Variants in VIL1 observed in about 807,000 individuals in gnomAD.
VIL1 encodes the protein villin-1.
VIL1 carries 86 observed loss-of-function variants against 104.0 expected under a neutral mutation model. That is an observed-to-expected ratio of 0.83 (90% CI 0.69 to 0.99). The LOEUF is 0.99. VIL1 is among the 50% of genes least tolerant of loss of function. The pLI, the probability that VIL1 is intolerant of heterozygous loss-of-function variation, is 0.00. For synonymous variants in VIL1, 394 were observed against 412.6 expected (o/e 0.95, Z 0.55); for missense variants, 944 against 1,054.1 (o/e 0.90, Z 1.45).
chr2:218,432,402 T>C, intron 12 of VIL1: 1 of 780,536 alleles, frequency 1.3e-6, no homozygotes, highest in African/African-American at 1.7e-5. Context: ...TTCATTGCCT[T>C]CTGCACATTC....
At chr2:218,427,155 GCTCT>G (rs1443179607) in intron 4 of VIL1, among the ~76,000 whole-genome samples, 2 of 152,128 alleles carry the variant, frequency 1.3e-5, no homozygotes, top group South Asian at 2.1e-4. Context: ...CAGGCTGAGG[GCTCT>G]CTAATTAGCC....
rs752421368 is a variant in VIL1, at chr2:218,429,716, C to T, written c.849+41C>T. 19 of 1,611,224 alleles carry T rather than the reference C, an allele frequency of 1.2e-5. No homozygotes were observed. In the South Asian group the frequency reaches 2.1e-4, roughly 18 times the overall value. ...GACCCCTCAGCCTACTGCAGCCTGG[C>T]CCCCTTTCCCTCAAGCAGGAAAAAT... On this transcript the variant is annotated intron_variant, in intron 8 of 19. Coordinates refer to ENST00000248444, the MANE Select transcript of VIL1 (RefSeq NM_007127.3).
In VIL1 at chr2:218,427,895, G is replaced by A. The variant is rs373754865; in HGVS notation, c.348-70G>A. Reference sequence around the variant, plus strand: ...CACGTGACCCCAGCGTGGCAGCCAGGACCTGGGAGAACAGGGGCCAGGCAC... The same window carrying A: ...CACGTGACCCCAGCGTGGCAGCCAGAACCTGGGAGAACAGGGGCCAGGCAC... On this transcript the variant is annotated intron_variant, in intron 4 of 19. Coordinates refer to ENST00000248444, the MANE Select transcript of VIL1 (RefSeq NM_007127.3). The A allele has an allele frequency of 8.4e-4, 1,245 of 1,476,598 alleles. 5 individuals are homozygous for A. The highest frequency in any genetic ancestry group is 6.3e-3 in the Middle Eastern group (36 of 5,708). 91.5% of individuals were successfully genotyped at this position (1,476,598 alleles called of 1,614,324 possible). A position where few individuals can be genotyped will look rare whatever the true frequency, so the allele number is the denominator to read the frequency against.
chr2:218,432,494 C>T, intron 12 of VIL1: 1 of 690,278 alleles, frequency 1.4e-6, no homozygotes. Context: ...GGTGTGGTGC[C>T]TGTGATGTCT....
chr2:218,444,073 C>G (rs1689325992), intron 19 of VIL1, among the ~76,000 whole-genome samples: 1 of 152,180 alleles, frequency 6.6e-6, no homozygotes, highest in Admixed American at 6.5e-5. Flanking sequence ...TCAAGCAATT[C>G]TCCTGCCTCA....
chr2:218,429,150 G>A lies in VIL1; in HGVS notation c.568-135G>A, dbSNP rs531259641. 1,246 of 1,022,680 alleles carry A rather than the reference G, an allele frequency of 1.2e-3. 1 individual carries two copies. Among genetic ancestry groups the A allele is most frequent in the Non-Finnish European group, 1.5e-3 (1,026 of 699,364 alleles). The allele number at this position is 1,022,680 out of a possible 1,614,324, so 63.4% of individuals were successfully genotyped here. A position where few individuals can be genotyped will look rare whatever the true frequency, so the allele number is the denominator to read the frequency against. On this transcript the variant is annotated intron_variant, in intron 6 of 19. Coordinates refer to ENST00000248444, the MANE Select transcript of VIL1 (RefSeq NM_007127.3). ...GCCTTAAAAGCTTGACCCCTCCGACGGGGAAAAGCAGGGCAGGGGTCTCAA... is the reference window on the plus strand; with the variant it reads ...GCCTTAAAAGCTTGACCCCTCCGACAGGGAAAAGCAGGGCAGGGGTCTCAA...
In VIL1 at chr2:218,429,622, G is replaced by A. The variant is rs374741846; in HGVS notation, c.796G>A (p.Val266Met). ...YHVSDSEGNLVVREVATRPLT... is the reference protein window; with the variant it reads ...YHVSDSEGNLMVREVATRPLT... ...TGTGTCTGACTCCGAGGGGAATCTG[G>A]TGGTGAGGGAAGTCGCCACACGGCC... The change falls in exon 8 of 20, where the codon GTG (valine) becomes ATG (methionine). Residue 266 changes from valine to methionine, a missense_variant. By Grantham distance (21) the Val-to-Met change is conservative. Coordinates refer to ENST00000248444, the MANE Select transcript of VIL1 (RefSeq NM_007127.3). 1.2e-6 allele frequency: 2 copies of A among 1,614,000 alleles called. No individual in the cohort carries two copies. Among genetic ancestry groups the A allele is most frequent in the Non-Finnish European group, 1.7e-6 (2 of 1,180,036 alleles).
intron 16 of VIL1, 98 bp downstream of exon 16, chr2:218,436,724 T>C (rs1689197153): frequency 1.4e-6 from 2 of 1,437,528 alleles, no homozygotes; most frequent in Non-Finnish European, 1.9e-6. Context: ...AATGTTTTCT[T>C]GGCCCTTACA....
In VIL1 at chr2:218,422,380, G is replaced by A. The variant is rs181868577; in HGVS notation, c.-11-1388G>A. ...GGTTCTGCTGGACCAGGAATCCTGGGAGCCCTGGGGACTTGGTAGGTTGAA... is the reference window on the plus strand; with the variant it reads ...GGTTCTGCTGGACCAGGAATCCTGGAAGCCCTGGGGACTTGGTAGGTTGAA... On this transcript the variant is annotated intron_variant, in intron 1 of 19. Transcript: ENST00000248444. 3.5e-4 allele frequency among the ~76,000 whole-genome samples: 54 copies of A among 152,284 alleles called. 1 individual carries two copies. Among genetic ancestry groups the A allele is most frequent in the Middle Eastern group, 6.8e-3 (2 of 294 alleles).
In VIL1 at chr2:218,438,645, A is replaced by C. The variant is rs367689920; in HGVS notation, c.2161-13A>C. On this transcript the variant is annotated splice_polypyrimidine_tract_variant and intron_variant, in intron 17 of 19. Coordinates refer to ENST00000248444, the MANE Select transcript of VIL1 (RefSeq NM_007127.3). ...GAGATCCAGGTCTAATCTGTTATTT[A>C]CTTTATGTGCAGAACACCAAATCCT... 6 of 1,608,590 alleles carry C rather than the reference A, an allele frequency of 3.7e-6. No homozygotes were observed. Among genetic ancestry groups the C allele is most frequent in the Non-Finnish European group, 5.1e-6 (6 of 1,178,184 alleles).
At position 218,437,153 on chromosome 2, in the gene VIL1, CGAG is replaced by C. The variant is rs759386760; in HGVS notation, c.2008_2010del (p.Glu670del). ...TCTTCTGGATTGGGAAACATGCCAACGAGGAGGAGAAGAAGGCCGCAGCAACCA... is the reference window on the plus strand; with the variant it reads ...TCTTCTGGATTGGGAAACATGCCAACGAGGAGAAGAAGGCCGCAGCAACCA... On this transcript the variant is annotated inframe_deletion, in exon 17 of 20. Coordinates refer to ENST00000248444, the MANE Select transcript of VIL1 (RefSeq NM_007127.3). 1.5e-5 allele frequency: 25 copies of C among 1,613,972 alleles called. No homozygotes were observed. Among genetic ancestry groups the C allele is most frequent in the Admixed American group, 3.3e-5 (2 of 59,980 alleles).
chr2:218,449,381 G>A lies in VIL1; in HGVS notation c.*45G>A. ...AAAGCAGTACCCTACCCTGATTGTA[G>A]GGTCTCATTTTCTCACCGATATTAG... On this transcript the variant is annotated 3_prime_UTR_variant, in exon 20 of 20. Coordinates refer to ENST00000248444, the MANE Select transcript of VIL1 (RefSeq NM_007127.3). 3 of 1,495,026 alleles carry A rather than the reference G, an allele frequency of 2.0e-6. No individual in the cohort carries two copies. Among genetic ancestry groups the A allele is most frequent in the Non-Finnish European group, 2.8e-6 (3 of 1,073,132 alleles). The allele number at this position is 1,495,026 out of a possible 1,614,324, so 92.6% of individuals were successfully genotyped here.
rs752061086 is a variant in VIL1 at position 218,434,793 on chromosome 2, C to A, written c.1680+88C>A. 8 of 1,417,128 alleles carry A rather than the reference C, an allele frequency of 5.6e-6. No individual in the cohort carries two copies. In the African/African-American group the frequency reaches 8.6e-5, roughly 15 times the overall value. The allele number at this position is 1,417,128 out of a possible 1,614,324, so 87.8% of individuals were successfully genotyped here. On this transcript the variant is annotated intron_variant, in intron 14 of 19. Coordinates refer to ENST00000248444, the MANE Select transcript of VIL1 (RefSeq NM_007127.3). ...CAGCAGCCCTAGGTCAGGGCAGGAA[C>A]CCCTGGCCAACTAAGTTGTGCCTGC...
At position 218,437,187 on chromosome 2, in the gene VIL1, C is replaced by A. The variant is rs768139728; in HGVS notation, c.2035C>A (p.Gln679Lys). Residue 679 changes from glutamine to lysine, a missense_variant, in exon 17 of 20, where the codon CAG becomes AAG. Coordinates refer to ENST00000248444, the MANE Select transcript of VIL1 (RefSeq NM_007127.3). Reference sequence around the variant, plus strand: ...GAAGAAGGCCGCAGCAACCACTGCACAGGAATACCTCAAGACCCATCCCAG... The same window carrying A: ...GAAGAAGGCCGCAGCAACCACTGCAAAGGAATACCTCAAGACCCATCCCAG... ...EEKKAAATTAQEYLKTHPSGR... is the reference protein window; with the variant it reads ...EEKKAAATTAKEYLKTHPSGR... 3.1e-6 allele frequency: 5 copies of A among 1,614,182 alleles called. No individual in the cohort carries two copies. Among genetic ancestry groups the A allele is most frequent in the South Asian group, 1.1e-5 (1 of 91,088 alleles).
At position 218,450,498 on chromosome 2, in the gene VIL1, G is replaced by A. The variant is rs1437766624; in HGVS notation, c.*1162G>A. The A allele has an allele frequency of 1.3e-5, 2 of 152,598 alleles. No individual in the cohort carries two copies. The highest frequency in any genetic ancestry group is 4.8e-5 in the African/African-American group (2 of 41,438). The allele number at this position is 152,598 out of a possible 1,614,324, so 9.5% of individuals were successfully genotyped here. ...AGAAAACCTGGTAGTGGCTCAATTA[G>A]GCAAAGTGTAGGAATCTCATTTTTG... On this transcript the variant is annotated 3_prime_UTR_variant, in exon 20 of 20. Coordinates refer to ENST00000248444, the MANE Select transcript of VIL1 (RefSeq NM_007127.3).
intron 19 of VIL1, among the ~76,000 whole-genome samples, chr2:218,446,276 C>T (rs1175011130): frequency 1.3e-5 from 2 of 152,212 alleles, no homozygotes; most frequent in African/African-American, 4.8e-5. Flanking sequence ...ACTCTGTTGC[C>T]CAAGCTGGAG....
chr2:218,431,120 G>A (rs369328695), intron 10 of VIL1: 20 of 583,626 alleles, frequency 3.4e-5, no homozygotes, highest in Non-Finnish European at 5.4e-5. Context: ...AGGCTGAGGC[G>A]GGTGGATCAC....
intron 4 of VIL1, 152 bp from the exon 5 acceptor site, chr2:218,427,813 C>T (rs1222974451): frequency 1.5e-6 from 1 of 681,322 alleles, no homozygotes; most frequent in Non-Finnish European, 2.6e-6. Flanking sequence ...GTGAGTGACT[C>T]CCTAAAGTTT....
Position 218,423,955 on chromosome 2 carries a change from C to G in VIL1, c.75+102C>G. 2.3e-6 allele frequency: 3 copies of G among 1,324,278 alleles called. No homozygotes were observed. The South Asian group carries it at 3.8e-5, about 17-fold the overall frequency. 82.0% of individuals were successfully genotyped at this position (1,324,278 alleles called of 1,614,324 possible). On this transcript the variant is annotated intron_variant, in intron 2 of 19. Transcript: ENST00000248444. ...TTTCTCTTCGTTTCCTCTGCTCCTG[C>G]CCTGAAGCCCCTGAGAGCTCAGCCC...
Sources: allele counts gnomAD v4.1 joint callset (sites outside exome capture counted in the v4.1 genomes callset), GRCh38; gene constraint gnomAD v4.1.1; transcripts MANE v1.5; gene names NCBI Gene and HGNC (gene_info 2026-07-23, HGNC 2026-07-21).